Variants in KLF12 observed in about 807,000 individuals in gnomAD.
KLF12 encodes the protein KLF transcription factor 12, also known as Krueppel-like factor 12.
In KLF12, 9 loss-of-function variants were observed where a neutral mutation model predicts 37.8. That is an observed-to-expected ratio of 0.24 (90% CI 0.14 to 0.42). KLF12 has a LOEUF of 0.42. Ranked by LOEUF, KLF12 falls within the 10% of genes least tolerant of loss-of-function variation. The probability of loss-of-function intolerance (pLI) is 1.00; values close to 1 mark genes in which losing one functional copy is unlikely to be tolerated. For missense variants in KLF12, 411 were observed against 516.0 expected (o/e 0.80, Z 1.97); for synonymous variants, 208 against 202.1 (o/e 1.03, Z -0.25).
chr13:73,916,590 T>G lies in KLF12; in HGVS notation c.123+27391A>C, dbSNP rs147476117. On this transcript the variant is annotated intron_variant, in intron 3 of 7. Coordinates refer to ENST00000377669, the MANE Select transcript of KLF12 (RefSeq NM_007249.5). The stretch of plus-strand genomic sequence containing the variant: ...CCAATATAAATAAACACTGTCAATG[T>G]CTTTGCCTCCTATTCTCTGCCTGTA... 8.7e-4 allele frequency among the ~76,000 whole-genome samples: 133 copies of G among 152,316 alleles called. 1 individual carries two copies. The East Asian group carries it at 0.024, about 27-fold the overall frequency.
intron 4 of KLF12, among the ~76,000 whole-genome samples, chr13:73,836,886 C>G (rs574178783): frequency 6.6e-6 from 1 of 152,162 alleles, no homozygotes; most frequent in East Asian, 1.9e-4. Context: ...TAAACACAAA[C>G]TAGGTCTTTT....
chr13:74,125,832 A>ATGGT, intron 1 of KLF12, among the ~76,000 whole-genome samples: 1 of 152,340 alleles, frequency 6.6e-6, no homozygotes, highest in East Asian at 1.9e-4. Flanking sequence ...ATTTATTTGT[A>ATGGT]TAATCCTTCC....
chr13:73,718,234 CA>C (rs1047161874), intron 6 of KLF12, among the ~76,000 whole-genome samples: 2 of 151,944 alleles, frequency 1.3e-5, no homozygotes, highest in African/African-American at 4.8e-5. Flanking sequence ...AAAAGCCAAC[CA>C]AAAAAACCCT....
intron 4 of KLF12, among the ~76,000 whole-genome samples, chr13:73,833,099 G>C (rs2138594197): frequency 6.6e-6 from 1 of 152,262 alleles, no homozygotes; most frequent in Middle Eastern, 3.4e-3. Flanking sequence ...GTTTCGCCCT[G>C]AGTGGGAAAT....
At chr13:74,004,119 C>G (rs142719722) in intron 1 of KLF12, among the ~76,000 whole-genome samples, 3 of 151,966 alleles carry the variant, frequency 2.0e-5, no homozygotes, top group African/African-American at 7.3e-5. Context: ...TTTAAAGAAT[C>G]CTTTCAGTTC....
the KLF12 span, among the ~76,000 whole-genome samples, chr13:74,228,607 A>G: frequency 6.6e-6 from 1 of 152,256 alleles, no homozygotes; most frequent in Non-Finnish European, 1.5e-5. Flanking sequence ...GTCTGATTCC[A>G]AATCAGTGGC....
At chr13:73,850,124 C>T (rs1444229474) in intron 3 of KLF12, among the ~76,000 whole-genome samples, 1 of 152,122 alleles carries the variant, frequency 6.6e-6, no homozygotes, top group East Asian at 1.9e-4. Flanking sequence ...CAATATACTT[C>T]ATTAAAAACA....
chr13:73,940,953 T>C (rs1890159374), intron 3 of KLF12, among the ~76,000 whole-genome samples: 1 of 152,204 alleles, frequency 6.6e-6, no homozygotes, highest in African/African-American at 2.4e-5. Flanking sequence ...AAGGACTCTT[T>C]CTAACACGCA....
chr13:74,264,119 T>G, the KLF12 span, among the ~76,000 whole-genome samples: 1 of 152,172 alleles, frequency 6.6e-6, no homozygotes, highest in East Asian at 1.9e-4. Context: ...GACAAAACGG[T>G]TAACTTTCCA....
At chr13:73,986,248 G>A (rs1467282907) in intron 2 of KLF12, among the ~76,000 whole-genome samples, 2 of 152,106 alleles carry the variant, frequency 1.3e-5, no homozygotes, top group Non-Finnish European at 2.9e-5. Flanking sequence ...ACAATCTACT[G>A]TTTGCAAAAA....
intron 1 of KLF12, among the ~76,000 whole-genome samples, chr13:74,071,536 C>A (rs1193465665): frequency 6.7e-6 from 1 of 149,216 alleles, no homozygotes; most frequent in Non-Finnish European, 1.5e-5. Context: ...AAAAAAAATA[C>A]AAAAAAATTA....
At chr13:73,783,986 C>T (rs542953277) in intron 5 of KLF12, among the ~76,000 whole-genome samples, 14 of 152,218 alleles carry the variant, frequency 9.2e-5, no homozygotes, top group Admixed American at 7.9e-4. Context: ...GCTCAATGTA[C>T]TTAAGACTCC....
At chr13:74,300,128 A>T in the KLF12 span, among the ~76,000 whole-genome samples, 1 of 152,276 alleles carries the variant, frequency 6.6e-6, no homozygotes, top group East Asian at 1.9e-4. Flanking sequence ...AGATAATTGA[A>T]TAGAGGAACT....
the KLF12 span, among the ~76,000 whole-genome samples, chr13:74,290,832 C>T: frequency 1.8e-4 from 28 of 152,344 alleles, no homozygotes; most frequent in South Asian, 1.0e-3. Flanking sequence ...ACCTGATTTA[C>T]ATGCCATTGG....
chr13:73,822,999 A>G (rs1883614901), intron 4 of KLF12, among the ~76,000 whole-genome samples: 1 of 152,234 alleles, frequency 6.6e-6, no homozygotes, highest in South Asian at 2.1e-4. Flanking sequence ...AAATAATAAT[A>G]AAGTGATTTT....
intron 1 of KLF12, among the ~76,000 whole-genome samples, chr13:74,041,586 T>C (rs914810925): frequency 6.6e-6 from 1 of 152,026 alleles, no homozygotes; most frequent in Non-Finnish European, 1.5e-5. Flanking sequence ...GCAGCAACTC[T>C]TCCTTCTTAA....
At chr13:74,027,837 A>C (rs1893016062) in intron 1 of KLF12, among the ~76,000 whole-genome samples, 1 of 152,214 alleles carries the variant, frequency 6.6e-6, no homozygotes, top group Admixed American at 6.5e-5. Flanking sequence ...AGTCAACAAG[A>C]TGCATTAAAG....
At chr13:73,745,268 A>T (rs1346738508) in intron 6 of KLF12, among the ~76,000 whole-genome samples, 4 of 152,156 alleles carry the variant, frequency 2.6e-5, no homozygotes, top group Admixed American at 1.3e-4. Context: ...TGTTTTAGGT[A>T]GGAAAGAGGG....
At chr13:73,710,376 G>GTC (rs1464764961) in intron 7 of KLF12, among the ~76,000 whole-genome samples, 6 of 112,038 alleles carry the variant, frequency 5.4e-5, no homozygotes, top group African/African-American at 7.2e-5. Context: ...CGAAGATATT[G>GTC]TCTGTGTGTG....
Sources: gnomAD v4.1 joint callset for allele counts (sites outside exome capture counted in the v4.1 genomes callset) on GRCh38, gnomAD v4.1.1 for gene constraint, MANE v1.5 for transcripts, NCBI Gene and HGNC (gene_info 2026-07-23, HGNC 2026-07-21) for gene names.